DAB1: variants seen among roughly 807,000 people sequenced by gnomAD.
DAB1 encodes the protein disabled homolog 1.
In DAB1, 15 loss-of-function variants were observed where a neutral mutation model predicts 64.6. The observed-to-expected ratio is 0.23, with a 90% CI of 0.16 to 0.36. The LOEUF (loss-of-function observed/expected upper bound fraction) is 0.36, where lower values mean the gene tolerates loss of function less well. Ranked by LOEUF, DAB1 falls within the 10% of genes least tolerant of loss-of-function variation. DAB1 has a pLI of 1.00. For synonymous variants in DAB1, 235 were observed against 251.9 expected, an observed-to-expected ratio of 0.93 and a Z score of 0.64; for missense variants, 596 against 706.7, an observed-to-expected ratio of 0.84 and a Z score of 1.78.
chr1:58,308,464 T>C (rs963493106), intron 4 of DAB1, among the ~76,000 whole-genome samples: 2 of 151,844 alleles, frequency 1.3e-5, no homozygotes, highest in Non-Finnish European at 2.9e-5. Flanking sequence ...GACACCCAAT[T>C]TGTTCTCCGA....
intron 10 of DAB1, 56 bp downstream of exon 10, chr1:57,025,925 G>A: frequency 7.2e-7 from 1 of 1,389,236 alleles, no homozygotes; most frequent in Non-Finnish European, 9.8e-7. Context: ...GCCACTGAGG[G>A]GATGTGTAAA....
At position 57,341,629 on chromosome 1, in the gene DAB1, A is replaced by AT. The variant is rs903011679; in HGVS notation, c.-136-50464dup. ...AAAACAGAGAGAGAAAACTCTTTTGATTTTTTTTCTCTTTCTTTTTTTGAG... is the reference window on the plus strand; with the variant it reads ...AAAACAGAGAGAGAAAACTCTTTTGATTTTTTTTTCTCTTTCTTTTTTTGAG... On this transcript the variant is annotated intron_variant, in intron 1 of 14. Transcript: ENST00000371236. Among the ~76,000 whole-genome samples, 12 of 151,842 alleles carry AT rather than the reference A, an allele frequency of 7.9e-5. No homozygotes were observed. The East Asian group carries it at 2.1e-3, about 27-fold the overall frequency.
At position 57,623,417 on chromosome 1, in the gene DAB1, A is replaced by G. The variant is rs191578291; in HGVS notation, n.625+26175T>C. On this transcript the variant is annotated intron_variant and non_coding_transcript_variant, in intron 7 of 20. Transcript: ENST00000485760. Reference sequence around the variant, plus strand: ...ACTTCATTACAGTGCGTTAATTATCATCACCTTCAACGGCAATTAATAACA... The same window carrying G: ...ACTTCATTACAGTGCGTTAATTATCGTCACCTTCAACGGCAATTAATAACA... 2.0e-5 allele frequency among the ~76,000 whole-genome samples: 3 copies of G among 152,350 alleles called. 1 individual carries two copies. Among genetic ancestry groups the G allele is most frequent in the Non-Finnish European group, 4.4e-5 (3 of 68,034 alleles).
At chr1:57,923,014 T>G (rs1331493328) in intron 5 of DAB1, among the ~76,000 whole-genome samples, 3 of 150,812 alleles carry the variant, frequency 2.0e-5, no homozygotes, top group Admixed American at 2.0e-4. Context: ...CTTCCTTCCT[T>G]CTGCTTGTCT....
chr1:57,028,871 A>G (rs1396827218), intron 9 of DAB1, among the ~76,000 whole-genome samples: 1 of 152,220 alleles, frequency 6.6e-6, no homozygotes, highest in Non-Finnish European at 1.5e-5. Flanking sequence ...CAGTTTTCTA[A>G]GGGAAGCAGA....
chr1:57,691,866 G>A (rs1558615666), intron 6 of DAB1, among the ~76,000 whole-genome samples: 1 of 152,042 alleles, frequency 6.6e-6, no homozygotes, highest in Non-Finnish European at 1.5e-5. Flanking sequence ...CTTAGAATTT[G>A]GGGGCTAAAT....
chr1:57,868,096 G>A (rs1422832696), intron 1 of DAB1, among the ~76,000 whole-genome samples: 1 of 152,134 alleles, frequency 6.6e-6, no homozygotes, highest in African/African-American at 2.4e-5. Context: ...GCTAGGCATG[G>A]TTCAGTCTAT....
At chr1:58,296,251 AAGAAAG>A (rs1274759357) in intron 4 of DAB1, among the ~76,000 whole-genome samples, 4 of 148,392 alleles carry the variant, frequency 2.7e-5, no homozygotes, top group Admixed American at 1.3e-4. Context: ...GAAAGAAAGA[AAGAAAG>A]AAAGAAAAGT....
At chr1:57,151,974 C>G (rs371582187) in intron 2 of DAB1, among the ~76,000 whole-genome samples, 1 of 151,812 alleles carries the variant, frequency 6.6e-6, no homozygotes, top group Admixed American at 6.6e-5. Context: ...CCACCATGCC[C>G]GGCTGATTTT....
intron 4 of DAB1, among the ~76,000 whole-genome samples, chr1:57,113,450 T>A (rs1289574080): frequency 6.6e-6 from 1 of 152,196 alleles, no homozygotes; most frequent in East Asian, 1.9e-4. Flanking sequence ...GCAGACTTTT[T>A]CTGCAAAGGA....
At chr1:58,430,012 G>A (rs1325641942) in intron 3 of DAB1, among the ~76,000 whole-genome samples, 4 of 152,176 alleles carry the variant, frequency 2.6e-5, no homozygotes, top group African/African-American at 9.7e-5. Flanking sequence ...AAGAGTGAGG[G>A]TCTCTCTGTG....
intron 8 of DAB1, among the ~76,000 whole-genome samples, chr1:57,065,347 A>G (rs1053453430): frequency 6.6e-6 from 1 of 152,206 alleles, no homozygotes; most frequent in African/African-American, 2.4e-5. Flanking sequence ...TCCCTGGGAC[A>G]GTGATGGTGA....
intron 5 of DAB1, among the ~76,000 whole-genome samples, chr1:58,024,746 CAGTAA>C (rs1646864215): frequency 6.6e-6 from 1 of 152,166 alleles, no homozygotes; most frequent in Non-Finnish European, 1.5e-5. Context: ...AATTGGTAGA[CAGTAA>C]AGTAAATTGC....
At chr1:57,876,021 G>T (rs1028826607) in intron 1 of DAB1, among the ~76,000 whole-genome samples, 1 of 152,126 alleles carries the variant, frequency 6.6e-6, no homozygotes, top group Non-Finnish European at 1.5e-5. Context: ...TCAGCAACAG[G>T]CTTCTTGGCA....
At chr1:58,429,042 T>C (rs1644846172) in intron 3 of DAB1, among the ~76,000 whole-genome samples, 1 of 152,162 alleles carries the variant, frequency 6.6e-6, no homozygotes. Context: ...ACCCATAAAA[T>C]TATAATGTTT....
At chr1:57,958,442 C>A (rs1645441936) in intron 5 of DAB1, among the ~76,000 whole-genome samples, 1 of 152,138 alleles carries the variant, frequency 6.6e-6, no homozygotes. Flanking sequence ...AAGAGAAATA[C>A]CTGCCTCCAA....
intron 7 of DAB1, among the ~76,000 whole-genome samples, chr1:57,560,087 G>C (rs1028333833): frequency 1.3e-5 from 2 of 152,236 alleles, no homozygotes; most frequent in Non-Finnish European, 2.9e-5. Flanking sequence ...CTGGTACCTG[G>C]TATGCAGACA....
At chr1:58,051,279 C>T (rs1242468988) in intron 5 of DAB1, among the ~76,000 whole-genome samples, 7 of 151,812 alleles carry the variant, frequency 4.6e-5, no homozygotes, top group Admixed American at 3.9e-4. Flanking sequence ...AGTCCCACCT[C>T]TGAGTGAGAA....
At chr1:57,395,220 T>A (rs1287021333) in intron 1 of DAB1, among the ~76,000 whole-genome samples, 1 of 152,118 alleles carries the variant, frequency 6.6e-6, no homozygotes, top group Non-Finnish European at 1.5e-5. Context: ...GAGACGGGGT[T>A]TCGCCATGTT....
Sources: gnomAD v4.1 joint callset for allele counts (sites outside exome capture counted in the v4.1 genomes callset) on GRCh38, gnomAD v4.1.1 for gene constraint, MANE v1.5 for transcripts, NCBI Gene and HGNC (gene_info 2026-07-23, HGNC 2026-07-21) for gene names.